PLCB1: variants seen among roughly 807,000 people sequenced by gnomAD.
The protein encoded by PLCB1 is 1-phosphatidylinositol 4,5-bisphosphate phosphodiesterase beta-1.
PLCB1 carries 46 observed loss-of-function variants against 161.8 expected under a neutral mutation model. That is an observed-to-expected ratio of 0.28 (90% CI 0.22 to 0.36). PLCB1 has a LOEUF of 0.36. PLCB1 is among the 10% of genes least tolerant of loss of function. PLCB1 has a pLI of 1.00. For synonymous variants in PLCB1, 517 were observed against 503.7 expected, an observed-to-expected ratio of 1.03 and a Z score of -0.35; for missense variants, 1,016 against 1,472.5, an observed-to-expected ratio of 0.69 and a Z score of 5.07.
chr20:8,544,277 C>T (rs1985450409), intron 3 of PLCB1, among the ~76,000 whole-genome samples: 1 of 152,172 alleles, frequency 6.6e-6, no homozygotes. Flanking sequence ...GGTATGTGAG[C>T]ATGTGCAAGA....
intron 31 of PLCB1, among the ~76,000 whole-genome samples, chr20:8,799,309 A>C (rs1984177083): frequency 6.6e-6 from 1 of 152,156 alleles, no homozygotes. Context: ...GCAAACAATG[A>C]TTTTAACACC....
At chr20:8,792,010 A>G (rs1983781683) in intron 31 of PLCB1, 1 of 152,490 alleles carries the variant, frequency 6.6e-6, no homozygotes, top group Admixed American at 6.5e-5. Context: ...CTACAGTTGT[A>G]ACAGTGATTA....
At chr20:8,542,753 G>C (rs1985382311) in intron 3 of PLCB1, among the ~76,000 whole-genome samples, 1 of 152,194 alleles carries the variant, frequency 6.6e-6, no homozygotes, top group African/African-American at 2.4e-5. Flanking sequence ...AAGGACCTTA[G>C]AGGTGGTGCT....
At chr20:8,321,053 T>C (rs554708656) in intron 2 of PLCB1, among the ~76,000 whole-genome samples, 1 of 152,062 alleles carries the variant, frequency 6.6e-6, no homozygotes, top group African/African-American at 2.4e-5. Flanking sequence ...GAAAAAAGTA[T>C]AATGGATTCC....
In PLCB1 at chr20:8,697,705, C is replaced by T; in HGVS notation, c.1089C>T (p.Asp363=). 6.2e-7 allele frequency: 1 copy of T among 1,614,180 alleles called. No individual in the cohort carries two copies. Among genetic ancestry groups the T allele is most frequent in the Non-Finnish European group, 8.5e-7 (1 of 1,180,010 alleles). Residue 363 remains aspartate (D), a synonymous_variant, in exon 11 of 32, where the codon GAC becomes GAT. Coordinates refer to ENST00000338037, the MANE Select transcript of PLCB1 (RefSeq NM_015192.4). ...CTGGTTGTCGCTGTGTGGAGCTGGA[C>T]TGCTGGAAGGGACGGACTGCAGAAG... is the stretch of plus-strand genomic sequence containing the variant. ...LLSGCRCVEL[D]CWKGRTAEEE...
At chr20:8,298,346 C>T (rs770703590) in intron 2 of PLCB1, among the ~76,000 whole-genome samples, 5 of 150,982 alleles carry the variant, frequency 3.3e-5, no homozygotes, top group Non-Finnish European at 7.4e-5. Flanking sequence ...TAAAGCTCTG[C>T]GTCTGCACCA....
At chr20:8,635,670 A>G (rs1988742235) in intron 4 of PLCB1, among the ~76,000 whole-genome samples, 1 of 152,230 alleles carries the variant, frequency 6.6e-6, no homozygotes, top group South Asian at 2.1e-4. Flanking sequence ...TATTTACCAA[A>G]TAGTTGACAC....
Position 8,390,582 on chromosome 20 carries a change from G to C in PLCB1, c.246+19132G>C, listed in dbSNP as rs866929126. On this transcript the variant is annotated intron_variant, in intron 3 of 31. Coordinates refer to ENST00000338037, the MANE Select transcript of PLCB1 (RefSeq NM_015192.4). ...ATTATTTTGCTGTTGGTTTAATATA[G>C]AAAAGTAGATTTTTTTCTTTATAAT... Among the ~76,000 whole-genome samples the C allele has an allele frequency of 2.6e-4, 39 of 152,232 alleles. No individual in the cohort carries two copies. In the Middle Eastern group the frequency reaches 0.02, roughly 80 times the overall value.
intron 2 of PLCB1, among the ~76,000 whole-genome samples, chr20:8,193,406 T>A (rs986587182): frequency 7.3e-5 from 11 of 150,920 alleles, no homozygotes; most frequent in East Asian, 5.8e-4. Context: ...AAAGAAAAAA[T>A]TTTTAAAAAA....
rs534230264 is a variant in PLCB1 at position 8,550,592 on chromosome 20, C to T, written c.247-77702C>T. Among the ~76,000 whole-genome samples the T allele has an allele frequency of 2.0e-5, 3 of 152,190 alleles. No individual in the cohort carries two copies. In the South Asian group the frequency reaches 6.2e-4, roughly 32 times the overall value. On this transcript the variant is annotated intron_variant, in intron 3 of 31. Transcript: ENST00000338037. Reference sequence around the variant, plus strand: ...TTAAGCCTCTTTTCTTTATAAATTGCCCGATCTCAGGTATTTCTTCATAGC... The same window carrying T: ...TTAAGCCTCTTTTCTTTATAAATTGTCCGATCTCAGGTATTTCTTCATAGC...
intron 2 of PLCB1, among the ~76,000 whole-genome samples, chr20:8,294,387 T>C (rs74763772): frequency 8.6e-4 from 131 of 152,066 alleles, no homozygotes; most frequent in African/African-American, 3.1e-3. Flanking sequence ...AATCTGACAT[T>C]ACCAAAAGTT....
chr20:8,725,156 CA>C (rs1191617961), intron 16 of PLCB1, among the ~76,000 whole-genome samples: 4 of 152,138 alleles, frequency 2.6e-5, no homozygotes, highest in African/African-American at 9.7e-5. Context: ...GGGAAGCAGG[CA>C]GAGACTTGAT....
Position 8,294,825 on chromosome 20 carries a change from G to C in PLCB1, c.178-76557G>C, listed in dbSNP as rs193180961. Reference sequence around the variant, plus strand: ...AAAAGCCTAGCACAAGTTTACCAAGGGATCTGCACAAGAATGATGATAGTA... The same window carrying C: ...AAAAGCCTAGCACAAGTTTACCAAGCGATCTGCACAAGAATGATGATAGTA... On this transcript the variant is annotated intron_variant, in intron 2 of 31. Coordinates refer to ENST00000338037, the MANE Select transcript of PLCB1 (RefSeq NM_015192.4). Among the ~76,000 whole-genome samples the C allele has an allele frequency of 1.8e-4, 28 of 151,716 alleles. No homozygotes were observed. The East Asian group carries it at 5.5e-3, about 30-fold the overall frequency.
At chr20:8,494,488 C>T (rs542859282) in intron 3 of PLCB1, among the ~76,000 whole-genome samples, 5 of 152,148 alleles carry the variant, frequency 3.3e-5, no homozygotes, top group African/African-American at 4.8e-5. Flanking sequence ...AATACTTGAA[C>T]GCTCTCTTTC....
At chr20:8,838,097 T>C (rs1986361743) in intron 31 of PLCB1, among the ~76,000 whole-genome samples, 1 of 151,600 alleles carries the variant, frequency 6.6e-6, no homozygotes, top group Admixed American at 6.6e-5. Context: ...AAGTATTACC[T>C]GAATCATGAA....
intron 3 of PLCB1, among the ~76,000 whole-genome samples, chr20:8,509,381 A>C (rs1217654011): frequency 6.6e-6 from 1 of 152,210 alleles, no homozygotes; most frequent in Non-Finnish European, 1.5e-5. Flanking sequence ...TTTGAGCTGA[A>C]GCAAGGAAGA....
At chr20:8,843,610 G>T (rs1986586616) in intron 31 of PLCB1, among the ~76,000 whole-genome samples, 1 of 151,678 alleles carries the variant, frequency 6.6e-6, no homozygotes, top group Non-Finnish European at 1.5e-5. Flanking sequence ...CATCATAAAT[G>T]AATGTATAAT....
chr20:8,467,625 T>G (rs931426024), intron 3 of PLCB1, among the ~76,000 whole-genome samples: 1 of 152,172 alleles, frequency 6.6e-6, no homozygotes, highest in Admixed American at 6.5e-5. Flanking sequence ...AGTGTTATAT[T>G]TGAGTTCCTT....
chr20:8,802,799 G>T (rs1179070425), intron 31 of PLCB1, among the ~76,000 whole-genome samples: 3 of 152,170 alleles, frequency 2.0e-5, no homozygotes, highest in Non-Finnish European at 4.4e-5. Flanking sequence ...CTCTTTGTCA[G>T]AGCAAACTTC....
Sources: allele counts gnomAD v4.1 joint callset (sites outside exome capture counted in the v4.1 genomes callset), GRCh38; gene constraint gnomAD v4.1.1; transcripts MANE v1.5; gene names NCBI Gene and HGNC (gene_info 2026-07-23, HGNC 2026-07-21).